Variants in FAM53B observed in about 807,000 individuals in gnomAD.
The protein encoded by FAM53B is protein FAM53B.
FAM53B carries 12 observed loss-of-function variants against 32.7 expected under a neutral mutation model. The observed-to-expected ratio is 0.37, with a 90% confidence interval of 0.24 to 0.59. The LOEUF (loss-of-function observed/expected upper bound fraction) is 0.59. FAM53B is among the 20% of genes least tolerant of loss of function. The probability of loss-of-function intolerance (pLI) is 0.72; values close to 1 mark genes in which losing one functional copy is unlikely to be tolerated. For synonymous variants in FAM53B, 234 were observed against 228.7 expected (o/e 1.02, Z -0.21); for missense variants, 477 against 577.7 (o/e 0.83, Z 1.79).
intron 4 of FAM53B, among the ~76,000 whole-genome samples, chr10:124,652,351 A>C (rs1949561415): frequency 6.6e-6 from 1 of 152,202 alleles, no homozygotes; most frequent in Non-Finnish European, 1.5e-5. Flanking sequence ...CCCAATTCAC[A>C]GATCAGGAAA....
In FAM53B at chr10:124,706,783, G is replaced by A; in HGVS notation, c.-70C>T. The A allele has an allele frequency of 6.2e-7, 1 of 1,609,874 alleles. No homozygotes were observed. The highest frequency in any genetic ancestry group is 8.5e-7 in the Non-Finnish European group (1 of 1,177,872). On this transcript the variant is annotated 5_prime_UTR_variant, in exon 2 of 5. Coordinates refer to ENST00000337318, the MANE Select transcript of FAM53B (RefSeq NM_014661.4). ...GCCATCTTCACTTGGGCAGACTTGG[G>A]GTGAGTACCTCCTGGGGAATTGATG...
At chr10:124,633,331 AC>A (rs1237434090) in intron 4 of FAM53B, among the ~76,000 whole-genome samples, 1 of 152,164 alleles carries the variant, frequency 6.6e-6, no homozygotes, top group Non-Finnish European at 1.5e-5. Context: ...GGAAGACTCA[AC>A]CTCAAAAAGG....
intron 4 of FAM53B, among the ~76,000 whole-genome samples, chr10:124,630,058 A>G (rs1949380639): frequency 6.6e-6 from 1 of 152,040 alleles, no homozygotes; most frequent in African/African-American, 2.4e-5. Context: ...CTGCCCAGCC[A>G]CCTCCTGTGT....
At chr10:124,677,982 G>A (rs1240361939) in intron 4 of FAM53B, among the ~76,000 whole-genome samples, 2 of 152,218 alleles carry the variant, frequency 1.3e-5, no homozygotes, top group East Asian at 3.8e-4. Flanking sequence ...GCTGAGCTGA[G>A]CTGCAGGGCA....
intron 4 of FAM53B, among the ~76,000 whole-genome samples, chr10:124,630,138 C>T (rs1024397090): frequency 6.6e-6 from 1 of 152,220 alleles, no homozygotes; most frequent in Admixed American, 6.5e-5. Context: ...ATCAGCCAAG[C>T]GGGGTGGCTC....
At chr10:124,628,906 C>T (rs1949373115) in intron 4 of FAM53B, among the ~76,000 whole-genome samples, 1 of 152,238 alleles carries the variant, frequency 6.6e-6, no homozygotes, top group South Asian at 2.1e-4. Flanking sequence ...CTTTCCTGGG[C>T]CTCTGCAGTT....
intron 2 of FAM53B, among the ~76,000 whole-genome samples, chr10:124,702,653 T>C (rs1338884124): frequency 6.6e-6 from 1 of 152,110 alleles, no homozygotes; most frequent in Non-Finnish European, 1.5e-5. Context: ...TCCTGTATAA[T>C]GGGGTAGAAA....
chr10:124,623,705 G>C, intron 4 of FAM53B, 101 bp from the exon 5 acceptor site: 1 of 1,362,274 alleles, frequency 7.3e-7, no homozygotes. Context: ...GCTGTGGCAA[G>C]ACCAATCAAG....
At chr10:124,703,190 G>A (rs187117901) in intron 2 of FAM53B, among the ~76,000 whole-genome samples, 9 of 152,188 alleles carry the variant, frequency 5.9e-5, no homozygotes, top group South Asian at 4.1e-4. Flanking sequence ...GACTACAGGC[G>A]CCCGCCTGCC....
chr10:124,709,418 A>G (rs1230658698), intron 1 of FAM53B, among the ~76,000 whole-genome samples: 1 of 152,210 alleles, frequency 6.6e-6, no homozygotes, highest in Non-Finnish European at 1.5e-5. Flanking sequence ...GAGGCAGCAG[A>G]AGCACCAAAA....
chr10:124,641,143 A>ACGGACCC (rs1323058512), intron 4 of FAM53B, among the ~76,000 whole-genome samples: 1 of 152,220 alleles, frequency 6.6e-6, no homozygotes. Context: ...GCAGCCTCCA[A>ACGGACCC]CGGACCCCGA....
At chr10:124,670,124 C>T (rs922100731) in intron 4 of FAM53B, among the ~76,000 whole-genome samples, 1 of 152,108 alleles carries the variant, frequency 6.6e-6, no homozygotes. Context: ...TCAGGCCACT[C>T]GCTGCCACTG....
intron 1 of FAM53B, among the ~76,000 whole-genome samples, chr10:124,727,575 G>A (rs1479155816): frequency 6.6e-6 from 1 of 152,098 alleles, no homozygotes; most frequent in Non-Finnish European, 1.5e-5. Context: ...AACATCCTGG[G>A]CATTTCTACT....
chr10:124,656,174 TG>T (rs1237819414), intron 4 of FAM53B, among the ~76,000 whole-genome samples: 6 of 152,242 alleles, frequency 3.9e-5, no homozygotes, highest in African/African-American at 1.2e-4. Context: ...TTCTGCCCAC[TG>T]GAACAGGGCA....
rs199729223 is a variant in FAM53B at position 124,681,690 on chromosome 10, C to G, written c.823G>C (p.Asp275His). The change falls in exon 4 of 5, where the codon GAC becomes CAC. Residue 275 changes from aspartate to histidine, a missense_variant. Physicochemically the swap from Asp to His is moderately conservative, Grantham distance 81. Transcript: ENST00000337318. ...RSRSQPCVLN[D>H]KKVGVKRRRP... The stretch of plus-strand genomic sequence containing the variant: ...CGCCTTTTAACACCGACCTTCTTGT[C>G]GTTAAGGACACACGGCTGGGAGCGG... 3 of 1,612,372 alleles carry G rather than the reference C, an allele frequency of 1.9e-6. 1 individual carries two copies. The highest frequency in any genetic ancestry group is 2.7e-5 in the African/African-American group (2 of 75,052).
At chr10:124,685,547 C>T (rs1014645740) in intron 3 of FAM53B, among the ~76,000 whole-genome samples, 1 of 152,360 alleles carries the variant, frequency 6.6e-6, no homozygotes, top group Middle Eastern at 3.4e-3. Context: ...CACAGAGCAG[C>T]GAGGGTGGCC....
At chr10:124,678,409 T>C (rs534569101) in intron 4 of FAM53B, among the ~76,000 whole-genome samples, 2 of 152,352 alleles carry the variant, frequency 1.3e-5, no homozygotes, top group Non-Finnish European at 1.5e-5. Flanking sequence ...ACATGTTGTT[T>C]CCCTTGCTCC....
chr10:124,671,131 A>T (rs908521529), intron 4 of FAM53B: 1 of 451,992 alleles, frequency 2.2e-6, no homozygotes, highest in African/African-American at 2.0e-5. Context: ...CTGTGCTGTC[A>T]CCGTCACCCA....
rs1564888683 is a variant in FAM53B at position 124,724,420 on chromosome 10, T to G, written c.-174-17533A>C. ...CACAAGGCCCAGGCAGGGGGAGCTCTGCGCACCGGACAGCCACAAGCCGCC... is the reference window on the plus strand; with the variant it reads ...CACAAGGCCCAGGCAGGGGGAGCTCGGCGCACCGGACAGCCACAAGCCGCC... On this transcript the variant is annotated intron_variant, in intron 1 of 4. Transcript: ENST00000337318. 2.0e-5 allele frequency among the ~76,000 whole-genome samples: 3 copies of G among 152,276 alleles called. No homozygotes were observed. The East Asian group carries it at 5.8e-4, about 29-fold the overall frequency.
Sources: allele counts gnomAD v4.1 joint callset (sites outside exome capture counted in the v4.1 genomes callset), GRCh38; gene constraint gnomAD v4.1.1; transcripts MANE v1.5; gene names NCBI Gene and HGNC (gene_info 2026-07-23, HGNC 2026-07-21).